GLCCI1: variants seen among roughly 807,000 people sequenced by gnomAD.
The protein encoded by GLCCI1 is glucocorticoid-induced transcript 1 protein.
Under a neutral mutation model 52.2 loss-of-function variants are expected in GLCCI1, and 24 were observed. The ratio of observed to expected loss-of-function variants is 0.46; its 90% CI spans 0.33 to 0.65. The LOEUF (loss-of-function observed/expected upper bound fraction) is 0.65. Ranked by LOEUF, GLCCI1 falls within the 30% of genes least tolerant of loss-of-function variation. GLCCI1 has a pLI of 0.02. For synonymous variants in GLCCI1, 310 were observed against 276.5 expected, an observed-to-expected ratio of 1.12 and a Z score of -1.20; for missense variants, 704 against 701.5, an observed-to-expected ratio of 1.00 and a Z score of -0.04.
At chr7:8,013,039 T>C (rs972066017) in intron 2 of GLCCI1, among the ~76,000 whole-genome samples, 3 of 152,218 alleles carry the variant, frequency 2.0e-5, no homozygotes, top group African/African-American at 7.2e-5. Flanking sequence ...CCTTTTCCCA[T>C]TGAATGGCCT....
At chr7:8,082,582 C>T (rs1783017987) in intron 6 of GLCCI1, among the ~76,000 whole-genome samples, 1 of 152,014 alleles carries the variant, frequency 6.6e-6, no homozygotes, top group East Asian at 1.9e-4. Context: ...GACCATCTAA[C>T]ATTAAATACA....
intron 3 of GLCCI1, among the ~76,000 whole-genome samples, chr7:8,043,522 G>A (rs144843140): frequency 6.6e-6 from 1 of 152,222 alleles, no homozygotes; most frequent in East Asian, 1.9e-4. Context: ...TGCAGAAAAG[G>A]CAAATCTATA....
intron 1 of GLCCI1, among the ~76,000 whole-genome samples, chr7:7,973,462 G>A (rs935921145): frequency 7.0e-6 from 1 of 142,966 alleles, no homozygotes; most frequent in African/African-American, 2.5e-5. Flanking sequence ...TAGATCATTA[G>A]GATTAATTAT....
intron 1 of GLCCI1, among the ~76,000 whole-genome samples, chr7:7,971,494 G>A (rs1187573767): frequency 6.6e-6 from 1 of 152,200 alleles, no homozygotes; most frequent in African/African-American, 2.4e-5. Flanking sequence ...TAGGGACTAA[G>A]AGGCATAAAA....
intron 1 of GLCCI1, among the ~76,000 whole-genome samples, chr7:7,992,043 TTTTCTTTCTTTC>T (rs60028694): frequency 0.039 from 4,982 of 128,776 alleles, 87 homozygotes; most frequent in East Asian, 0.069. Context: ...AGAATTTATT[TTTTCTTTCTTTC>T]TTTCTTTCTT....
chr7:7,971,561 G>T (rs1407559625), intron 1 of GLCCI1, among the ~76,000 whole-genome samples: 1 of 152,162 alleles, frequency 6.6e-6, no homozygotes, highest in Non-Finnish European at 1.5e-5. Flanking sequence ...AGAAGTTTCG[G>T]CAATTGCTGC....
chr7:8,007,465 A>G (rs1477037404), intron 2 of GLCCI1, among the ~76,000 whole-genome samples: 1 of 152,104 alleles, frequency 6.6e-6, no homozygotes, highest in African/African-American at 2.4e-5. Flanking sequence ...TTTTATGGCA[A>G]CCACTAACTA....
intron 3 of GLCCI1, among the ~76,000 whole-genome samples, chr7:8,023,535 C>T (rs1350064547): frequency 6.8e-6 from 1 of 147,554 alleles, no homozygotes; most frequent in Admixed American, 6.8e-5. Context: ...GTCATCCAGC[C>T]AATCTCCTAA....
rs1261691741 is a variant in GLCCI1 at position 8,022,572 on chromosome 7, A to C, written c.696+3A>C. ...GGAGTGCTGATCAACTAAAAGAGGT[A>C]AGTTATTTCTGTTTTCCGTCTGTAA... On this transcript the variant is annotated splice_donor_region_variant and intron_variant, in intron 3 of 7. Coordinates refer to ENST00000223145, the MANE Select transcript of GLCCI1 (RefSeq NM_138426.4). 6.5e-7 allele frequency: 1 copy of C among 1,550,268 alleles called. No homozygotes were observed. Among genetic ancestry groups the C allele is most frequent in the South Asian group, 1.2e-5 (1 of 81,068 alleles).
chr7:8,045,501 C>T (rs1179774394), intron 3 of GLCCI1, among the ~76,000 whole-genome samples: 20 of 152,094 alleles, frequency 1.3e-4, no homozygotes, highest in Admixed American at 1.2e-3. Flanking sequence ...GAAAGAGAAC[C>T]AAAAGTATTC....
intron 3 of GLCCI1, among the ~76,000 whole-genome samples, chr7:8,053,288 G>C (rs2127958317): frequency 6.9e-6 from 1 of 145,936 alleles, no homozygotes; most frequent in East Asian, 2.0e-4. Flanking sequence ...ACCTTTTCAT[G>C]GTTTTGTTTT....
intron 1 of GLCCI1, among the ~76,000 whole-genome samples, chr7:7,996,453 A>G (rs186592989): frequency 6.6e-6 from 1 of 152,212 alleles, no homozygotes; most frequent in Admixed American, 6.5e-5. Context: ...GCTCCATCTT[A>G]ATTTGTTGTG....
At chr7:8,010,563 C>G (rs907777104) in intron 2 of GLCCI1, among the ~76,000 whole-genome samples, 1 of 151,968 alleles carries the variant, frequency 6.6e-6, no homozygotes, top group Non-Finnish European at 1.5e-5. Flanking sequence ...TTTAATTCAG[C>G]TAAATTAAAA....
chr7:8,038,800 A>G (rs957908681), intron 3 of GLCCI1, among the ~76,000 whole-genome samples: 5 of 152,210 alleles, frequency 3.3e-5, no homozygotes, highest in Admixed American at 3.3e-4. Context: ...TATGTAGCAA[A>G]ATAAATAACA....
chr7:8,025,737 G>A (rs888271816), intron 3 of GLCCI1, among the ~76,000 whole-genome samples: 1 of 152,128 alleles, frequency 6.6e-6, no homozygotes, highest in South Asian at 2.1e-4. Context: ...ACATGTAGGG[G>A]ACCACTAATA....
chr7:8,020,035 T>A (rs1781454557), intron 2 of GLCCI1, among the ~76,000 whole-genome samples: 1 of 152,214 alleles, frequency 6.6e-6, no homozygotes, highest in African/African-American at 2.4e-5. Context: ...ACCATAACAT[T>A]TTTACTTCAT....
intron 5 of GLCCI1, chr7:8,070,447 C>T (rs1438937617): frequency 6.5e-6 from 1 of 154,924 alleles, no homozygotes; most frequent in Non-Finnish European, 1.4e-5. Flanking sequence ...TGGTTCTGTT[C>T]ATAACCTCTA....
intron 1 of GLCCI1, among the ~76,000 whole-genome samples, chr7:8,000,340 C>A (rs902270670): frequency 6.6e-6 from 1 of 152,060 alleles, no homozygotes; most frequent in Non-Finnish European, 1.5e-5. Context: ...TAAATAACTT[C>A]TAGTAGTATT....
chr7:7,996,483 A>G (rs1268303963), intron 1 of GLCCI1, among the ~76,000 whole-genome samples: 1 of 152,120 alleles, frequency 6.6e-6, no homozygotes, highest in African/African-American at 2.4e-5. Context: ...AGTGCTTGTT[A>G]CCAGGCTTCT....
Sources: gnomAD v4.1 joint callset for allele counts (sites outside exome capture counted in the v4.1 genomes callset) on GRCh38, gnomAD v4.1.1 for gene constraint, MANE v1.5 for transcripts, NCBI Gene and HGNC (gene_info 2026-07-23, HGNC 2026-07-21) for gene names.